ADAMTSL4: variants seen among roughly 807,000 people sequenced by gnomAD.
The protein encoded by ADAMTSL4 is ADAMTS like 4.
A neutral mutation model predicts 122.8 loss-of-function variants in ADAMTSL4; 97 were observed. That is an observed-to-expected ratio of 0.79 (90% CI 0.67 to 0.93). The LOEUF (loss-of-function observed/expected upper bound fraction) is 0.93. Among genes scored for constraint, ADAMTSL4 ranks in the 40% least tolerant of loss-of-function variants. The probability of loss-of-function intolerance (pLI) is 0.00; values close to 1 mark genes in which losing one functional copy is unlikely to be tolerated. For synonymous variants in ADAMTSL4, 592 were observed against 568.0 expected, an observed-to-expected ratio of 1.04 and a Z score of -0.60; for missense variants, 1,408 against 1,453.5, an observed-to-expected ratio of 0.97 and a Z score of 0.51.
At position 150,552,711 on chromosome 1, in the gene ADAMTSL4, C is replaced by G; in HGVS notation, c.78+111C>G. The G allele has an allele frequency of 7.1e-7, 1 of 1,417,578 alleles. No homozygotes were observed. 87.8% of individuals were successfully genotyped at this position (1,417,578 alleles called of 1,614,324 possible). ...GCCTCCATTCCCCACAGCCCACCCACCTCCCCTGCCAACTCCCCAGTTCCT... is the reference window on the plus strand; with the variant it reads ...GCCTCCATTCCCCACAGCCCACCCAGCTCCCCTGCCAACTCCCCAGTTCCT... On this transcript the variant is annotated intron_variant, in intron 4 of 18. Transcript: ENST00000271643. The surrounding 1 kb of genome is among the most constrained non-coding windows in gnomAD (Gnocchi z 4.0).
Position 150,552,747 on chromosome 1 carries a change from C to T in ADAMTSL4, c.78+147C>T. ...AACTCCCCAGTTCCTTGCCTCATAA[C>T]ACCAAGAGGCCGAGGTGTAGTTCTC... On this transcript the variant is annotated intron_variant, in intron 4 of 18. Transcript: ENST00000271643. The surrounding 1 kb of genome is among the most constrained non-coding windows in gnomAD (Gnocchi z 4.0). 7.8e-7 allele frequency: 1 copy of T among 1,285,124 alleles called. No individual in the cohort carries two copies. The highest frequency in any genetic ancestry group is 1.9e-5 in the Admixed American group (1 of 52,104). 79.6% of individuals were successfully genotyped at this position (1,285,124 alleles called of 1,614,324 possible).
In ADAMTSL4 at chr1:150,555,153, C is replaced by T. The variant is rs111428433; in HGVS notation, c.1235-276C>T. Among the ~76,000 whole-genome samples the T allele has an allele frequency of 0.085, 12,862 of 152,106 alleles. 757 individuals carry two copies. Among genetic ancestry groups the T allele is most frequent in the African/African-American group, 0.16 (6,550 of 41,486 alleles). The stretch of plus-strand genomic sequence containing the variant: ...TACAGGCATGTGCCACCACGCCTGG[C>T]TAATTTTTGTATTTGTAGTGGAGAT... On this transcript the variant is annotated intron_variant, in intron 7 of 18. Transcript: ENST00000271643.
chr1:150,556,972 T>A lies in ADAMTSL4; in HGVS notation c.1783T>A (p.Tyr595Asn). 1 of 1,614,134 alleles carries A rather than the reference T, an allele frequency of 6.2e-7. No individual in the cohort carries two copies. The highest frequency in any genetic ancestry group is 1.1e-5 in the South Asian group (1 of 91,086). Residue 595 changes from tyrosine (Y) to asparagine (N), a missense_variant, in exon 11 of 19, where the codon TAT becomes AAT. Physicochemically the swap from Tyr to Asn is moderately radical, Grantham distance 143 (BLOSUM62 -2). Coordinates refer to ENST00000271643, the MANE Select transcript of ADAMTSL4 (RefSeq NM_019032.6). The surrounding 1 kb of genome is among the most constrained non-coding windows in gnomAD (Gnocchi z 4.1). ...IFQEENPGVF[Y>N]QYVISSPPPI... ...TCAGGAGGAAAACCCAGGCGTTTTT[T>A]ATCAGTATGTCATCTCTTCACCTCC...
At chr1:150,555,877 A>G (rs980673262) in intron 8 of ADAMTSL4, 9 of 600,362 alleles carry the variant, frequency 1.5e-5, no homozygotes, top group Admixed American at 5.4e-5. Context: ...ACATGCACAC[A>G]TGCACACACA....
Position 150,557,523 on chromosome 1 carries a change from TCCCG to T in ADAMTSL4, c.2078_2081del (p.Ser693LeufsTer125). ...CTGGCGCCCCATTTTCCTCTGCATC[TCCCG>T]TGAGTCGGGAGAGGAACTGGATGAA... On this transcript the variant is annotated frameshift_variant, in exon 13 of 19. Transcript: ENST00000271643. LOFTEE classifies it high-confidence loss of function. The T allele has an allele frequency of 6.2e-7, 1 of 1,612,624 alleles. No homozygotes were observed. Among genetic ancestry groups the T allele is most frequent in the Non-Finnish European group, 8.5e-7 (1 of 1,179,748 alleles).
In ADAMTSL4 at chr1:150,558,994, G is replaced by T. The variant is rs766440618; in HGVS notation, c.2592G>T (p.Arg864=). The part of the protein sequence containing the change: ...CSAECGTGIQ[R]RSVVCLGSGA... ...CCGAGTGTGGGACGGGAATCCAGCG[G>T]CGCTCTGTGGTCTGCCTTGGGAGTG... Residue 864 remains arginine, a synonymous_variant, in exon 16 of 19, where the codon CGG becomes CGT. Coordinates refer to ENST00000271643, the MANE Select transcript of ADAMTSL4 (RefSeq NM_019032.6). 2 of 1,611,022 alleles carry T rather than the reference G, an allele frequency of 1.2e-6. No homozygotes were observed. The highest frequency in any genetic ancestry group is 8.5e-7 in the Non-Finnish European group (1 of 1,179,564).
In ADAMTSL4 at chr1:150,553,169, A is replaced by C. The variant is rs1199637682; in HGVS notation, c.350A>C (p.Gln117Pro). ...GAAACCCTCCCCTTGTACAGGACAC[A>C]GTCTCGGGGAAGGGGTGGCCCACTT... ...SPETLPLYRTQSRGRGGPLRG... is the reference protein window; with the variant it reads ...SPETLPLYRTPSRGRGGPLRG... Residue 117 changes from glutamine to proline, a missense_variant, in exon 5 of 19, where the codon CAG (glutamine) becomes CCG (proline). Transcript: ENST00000271643. 2 of 1,610,950 alleles carry C rather than the reference A, an allele frequency of 1.2e-6. No individual in the cohort carries two copies. Among genetic ancestry groups the C allele is most frequent in the Non-Finnish European group, 8.5e-7 (1 of 1,178,540 alleles).
chr1:150,559,444 G>C lies in ADAMTSL4; in HGVS notation c.2921G>C (p.Trp974Ser). 1 of 1,613,408 alleles carries C rather than the reference G, an allele frequency of 6.2e-7. No individual in the cohort carries two copies. The highest frequency in any genetic ancestry group is 8.5e-7 in the Non-Finnish European group (1 of 1,179,982). Residue 974 changes from tryptophan (W) to serine (S), a missense_variant, in exon 17 of 19, where the codon TGG (tryptophan) becomes TCG (serine). Coordinates refer to ENST00000271643, the MANE Select transcript of ADAMTSL4 (RefSeq NM_019032.6). This position sits in a 1 kb window ranked among gnomAD's most constrained non-coding sequence, Gnocchi z 4.1. ...CAAGGGCAGGCCTGCCAGGACCGAT[G>C]GTTTTCCACGCCCTGGAGCCCAGTG... ...PCQGQACQDR[W>S]FSTPWSPCSR...
Position 150,552,717 on chromosome 1 carries a change from C to T in ADAMTSL4, c.78+117C>T. The T allele has an allele frequency of 7.2e-7, 1 of 1,388,814 alleles. No homozygotes were observed. The highest frequency in any genetic ancestry group is 1.0e-6 in the Non-Finnish European group (1 of 1,000,950). 86.0% of individuals were successfully genotyped at this position (1,388,814 alleles called of 1,614,324 possible). ...ATTCCCCACAGCCCACCCACCTCCC[C>T]TGCCAACTCCCCAGTTCCTTGCCTC... On this transcript the variant is annotated intron_variant, in intron 4 of 18. Transcript: ENST00000271643. The surrounding 1 kb of genome is among the most constrained non-coding windows in gnomAD (Gnocchi z 4.0).
At chr1:150,555,878 T>G (rs1254177103) in intron 8 of ADAMTSL4, 1 of 601,184 alleles carries the variant, frequency 1.7e-6, no homozygotes, top group East Asian at 2.8e-5. Context: ...CATGCACACA[T>G]GCACACACAC....
chr1:150,556,897 T>G lies in ADAMTSL4; in HGVS notation c.1750-42T>G. ...GGAGAGAGAGCTGGTGGCATCCTCT[T>G]CTGGCCACCCCCACATATTCATTAT... On this transcript the variant is annotated intron_variant, in intron 10 of 18. Transcript: ENST00000271643. This position sits in a 1 kb window ranked among gnomAD's most constrained non-coding sequence, Gnocchi z 4.1. 1 of 1,606,162 alleles carries G rather than the reference T, an allele frequency of 6.2e-7. No homozygotes were observed. Among genetic ancestry groups the G allele is most frequent in the Non-Finnish European group, 8.5e-7 (1 of 1,172,786 alleles).
Position 150,556,597 on chromosome 1 carries a change from CG to C in ADAMTSL4, c.1577-23del. On this transcript the variant is annotated intron_variant, in intron 9 of 18. Coordinates refer to ENST00000271643, the MANE Select transcript of ADAMTSL4 (RefSeq NM_019032.6). The surrounding 1 kb of genome is among the most constrained non-coding windows in gnomAD (Gnocchi z 4.1). Reference sequence around the variant, plus strand: ...AAGGTATTATCACCCTGGAATTTCCCGATCTCTCACCTCTGACCCGCAGCAC... The same window carrying C: ...AAGGTATTATCACCCTGGAATTTCCCATCTCTCACCTCTGACCCGCAGCAC... 6.2e-7 allele frequency: 1 copy of C among 1,613,846 alleles called. No homozygotes were observed. The highest frequency in any genetic ancestry group is 8.5e-7 in the Non-Finnish European group (1 of 1,179,972).
chr1:150,554,990 C>CTTT lies in ADAMTSL4; in HGVS notation c.1235-426_1235-424dup, dbSNP rs771126937. Among the ~76,000 whole-genome samples, 4 of 140,496 alleles carry CTTT rather than the reference C, an allele frequency of 2.8e-5. No individual in the cohort carries two copies. The highest frequency in any genetic ancestry group is 5.3e-5 in the African/African-American group (2 of 37,748). 92.2% of individuals were successfully genotyped at this position (140,496 alleles called of 152,430 possible). A position where few individuals can be genotyped will look rare whatever the true frequency, so the allele number is the denominator to read the frequency against. On this transcript the variant is annotated intron_variant, in intron 7 of 18. Coordinates refer to ENST00000271643, the MANE Select transcript of ADAMTSL4 (RefSeq NM_019032.6). The surrounding 1 kb of genome is among the most constrained non-coding windows in gnomAD (Gnocchi z 4.0). ...CGGTGACCTCAACTGACCTGACCAC[C>CTTT]TTTTTTTTTTTTTTTCTGAGACAGA...
chr1:150,556,694 CG>C lies in ADAMTSL4; in HGVS notation c.1652del (p.Gly551AlafsTer34). ...TGGATCCCCCTGGGTCCTACAGGGC[CG>C]GCGGGACCGTCTTTCGATATAACCG... ...AVDPPGSYRA[G>X]GTVFRYNRPP... On this transcript the variant is annotated frameshift_variant, in exon 10 of 19. Transcript: ENST00000271643. LOFTEE classifies it high-confidence loss of function. This position sits in a 1 kb window ranked among gnomAD's most constrained non-coding sequence, Gnocchi z 4.1. 1 of 1,613,972 alleles carries C rather than the reference CG, an allele frequency of 6.2e-7. No individual in the cohort carries two copies. The highest frequency in any genetic ancestry group is 1.1e-5 in the South Asian group (1 of 91,072).
chr1:150,552,389 G>A lies in ADAMTSL4; in HGVS notation c.20+81G>A. The A allele has an allele frequency of 6.5e-7, 1 of 1,535,378 alleles. No homozygotes were observed. Among genetic ancestry groups the A allele is most frequent in the Non-Finnish European group, 8.9e-7 (1 of 1,128,018 alleles). On this transcript the variant is annotated intron_variant, in intron 3 of 18. Coordinates refer to ENST00000271643, the MANE Select transcript of ADAMTSL4 (RefSeq NM_019032.6). The surrounding 1 kb of genome is among the most constrained non-coding windows in gnomAD (Gnocchi z 4.0). ...TCTGTGTCTGGAAGTGAGGGAAAGG[G>A]GACCACTGGGAGGGGCAGGGGAAGT...
Position 150,560,251 on chromosome 1 carries a change from T to A in ADAMTSL4, c.*55T>A. ...TGTGCCACCATCGGTCACCCATTGA[T>A]CGGCCCACTCTGAACCCCCTGGCTC... is the stretch of plus-strand genomic sequence containing the variant. On this transcript the variant is annotated 3_prime_UTR_variant, in exon 19 of 19. Transcript: ENST00000271643. 1 of 1,608,796 alleles carries A rather than the reference T, an allele frequency of 6.2e-7. No individual in the cohort carries two copies. Among genetic ancestry groups the A allele is most frequent in the Non-Finnish European group, 8.5e-7 (1 of 1,177,572 alleles).
rs761230173 is a variant in ADAMTSL4 at position 150,554,749 on chromosome 1, C to G, written c.1234+282C>G. 3.7e-5 allele frequency: 46 copies of G among 1,241,190 alleles called. No individual in the cohort carries two copies. Among genetic ancestry groups the G allele is most frequent in the Non-Finnish European group, 4.9e-5 (44 of 898,500 alleles). The allele number at this position is 1,241,190 out of a possible 1,614,324, so 76.9% of individuals were successfully genotyped here. The stretch of plus-strand genomic sequence containing the variant: ...GTCAGGTGGCTGTGACACAAGAGGG[C>G]CATGGTGGGAGAGATCCTGTCCAGC... On this transcript the variant is annotated intron_variant, in intron 7 of 18. Coordinates refer to ENST00000271643, the MANE Select transcript of ADAMTSL4 (RefSeq NM_019032.6). This position sits in a 1 kb window ranked among gnomAD's most constrained non-coding sequence, Gnocchi z 4.0.
intron 2 of ADAMTSL4, chr1:150,550,497 G>C (rs1353272648): frequency 2.7e-6 from 1 of 368,750 alleles, no homozygotes; most frequent in Non-Finnish European, 5.4e-6. Flanking sequence ...CCCGTGGAGA[G>C]GGGCTGCGAG....
intron 2 of ADAMTSL4, chr1:150,550,471 A>T: frequency 5.0e-6 from 2 of 397,382 alleles, no homozygotes; most frequent in Non-Finnish European, 5.0e-6. Context: ...GGATGGGATT[A>T]TGTGTACTGG....
Sources: gnomAD v4.1 joint callset for allele counts (sites outside exome capture counted in the v4.1 genomes callset) on GRCh38, gnomAD v4.1.1 for gene constraint, Gnocchi (gnomAD v3.1) non-coding constraint, MANE v1.5 for transcripts, NCBI Gene and HGNC (gene_info 2026-07-23, HGNC 2026-07-21) for gene names.